ADAMTS3: variants seen among roughly 807,000 people sequenced by gnomAD.
The protein encoded by ADAMTS3 is ADAM metallopeptidase with thrombospondin type 1 motif 3.
ADAMTS3 carries 73 observed loss-of-function variants against 129.0 expected under a neutral mutation model. The ratio of observed to expected loss-of-function variants is 0.57; its 90% confidence interval spans 0.47 to 0.69. The LOEUF is 0.69. Ranked by LOEUF, ADAMTS3 falls within the 30% of genes least tolerant of loss-of-function variation. The probability of loss-of-function intolerance (pLI) is 0.00; values close to 1 mark genes in which losing one functional copy is unlikely to be tolerated. For synonymous variants in ADAMTS3, 477 were observed against 510.8 expected, an observed-to-expected ratio of 0.93 and a Z score of 0.89; for missense variants, 1,457 against 1,514.5, an observed-to-expected ratio of 0.96 and a Z score of 0.63.
intron 3 of ADAMTS3, among the ~76,000 whole-genome samples, chr4:72,452,303 CATAAT>C (rs544013636): frequency 7.4e-4 from 112 of 150,742 alleles, no homozygotes; most frequent in African/African-American, 2.2e-3. Context: ...TTATTATTAA[CATAAT>C]ATAATATAAA....
intron 2 of ADAMTS3, among the ~76,000 whole-genome samples, chr4:72,561,084 T>A (rs1310032000): frequency 6.6e-6 from 1 of 152,116 alleles, no homozygotes; most frequent in African/African-American, 2.4e-5. Flanking sequence ...CCAGGCACGG[T>A]GGCTAACACT....
intron 3 of ADAMTS3, among the ~76,000 whole-genome samples, chr4:72,520,783 C>T (rs1720647809): frequency 6.6e-6 from 1 of 152,154 alleles, no homozygotes; most frequent in African/African-American, 2.4e-5. Flanking sequence ...TCCCTGACCC[C>T]TTGTGCTTCC....
intron 4 of ADAMTS3, among the ~76,000 whole-genome samples, chr4:72,386,306 C>T (rs180881693): frequency 3.4e-4 from 52 of 152,130 alleles, no homozygotes; most frequent in East Asian, 2.7e-3. Flanking sequence ...CACATATTCA[C>T]GACATGTGTT....
intron 3 of ADAMTS3, among the ~76,000 whole-genome samples, chr4:72,547,044 A>G (rs1312718456): frequency 6.6e-6 from 1 of 152,214 alleles, no homozygotes; most frequent in Non-Finnish European, 1.5e-5. Flanking sequence ...TGAGCATCTC[A>G]GTAAGAGACT....
At chr4:72,481,607 T>A (rs184777303) in intron 3 of ADAMTS3, among the ~76,000 whole-genome samples, 43 of 152,106 alleles carry the variant, frequency 2.8e-4, no homozygotes, top group Admixed American at 9.2e-4. Flanking sequence ...GAAAAAAACA[T>A]AGGAGAAAAA....
intron 3 of ADAMTS3, among the ~76,000 whole-genome samples, chr4:72,541,406 C>T (rs1721320337): frequency 6.6e-6 from 1 of 152,222 alleles, no homozygotes; most frequent in Admixed American, 6.5e-5. Context: ...CTTGCCCTGT[C>T]TCAGATGAGA....
chr4:72,403,189 T>C (rs1337051720), intron 4 of ADAMTS3, among the ~76,000 whole-genome samples: 4 of 152,210 alleles, frequency 2.6e-5, no homozygotes, highest in African/African-American at 9.6e-5. Flanking sequence ...TCTCTCTATT[T>C]GTACTGAGTG....
chr4:72,299,201 A>G (rs987438129), intron 17 of ADAMTS3, among the ~76,000 whole-genome samples: 1 of 151,644 alleles, frequency 6.6e-6, no homozygotes, highest in Non-Finnish European at 1.5e-5. Flanking sequence ...AATGATGGTC[A>G]TTGGAGACTC....
intron 2 of ADAMTS3, among the ~76,000 whole-genome samples, chr4:72,560,288 A>G (rs58049203): frequency 0.039 from 5,966 of 152,010 alleles, 420 homozygotes; most frequent in African/African-American, 0.14. Flanking sequence ...ACATAGGCAC[A>G]GACAAAGATT....
At chr4:72,426,145 T>C (rs1314807454) in intron 3 of ADAMTS3, among the ~76,000 whole-genome samples, 1 of 152,216 alleles carries the variant, frequency 6.6e-6, no homozygotes, top group Non-Finnish European at 1.5e-5. Flanking sequence ...TTGAGAAGTG[T>C]CTGTTCATAT....
intron 3 of ADAMTS3, among the ~76,000 whole-genome samples, chr4:72,496,535 A>G (rs910020983): frequency 9.2e-5 from 14 of 152,144 alleles, no homozygotes; most frequent in African/African-American, 3.4e-4. Flanking sequence ...TGGCATAGGT[A>G]TATAAAAGTG....
intron 19 of ADAMTS3, among the ~76,000 whole-genome samples, chr4:72,292,972 T>C (rs559366539): frequency 7.9e-5 from 12 of 152,308 alleles, no homozygotes; most frequent in African/African-American, 2.9e-4. Context: ...TACTTCTGAT[T>C]ACCTCCATTC....
chr4:72,291,387 A>G (rs1334167559), intron 19 of ADAMTS3, among the ~76,000 whole-genome samples: 3 of 148,494 alleles, frequency 2.0e-5, no homozygotes, highest in African/African-American at 5.0e-5. Flanking sequence ...ATCTTCTAAT[A>G]CTATCCCTCC....
At chr4:72,311,953 C>G (rs888615223) in intron 13 of ADAMTS3, among the ~76,000 whole-genome samples, 2 of 152,056 alleles carry the variant, frequency 1.3e-5, no homozygotes, top group Admixed American at 6.6e-5. Context: ...TTCTCTAGTT[C>G]AGAAAGGAAA....
intron 1 of ADAMTS3, 73 bp downstream of exon 1, chr4:72,568,621 G>T: frequency 8.8e-7 from 1 of 1,134,548 alleles, no homozygotes; most frequent in Non-Finnish European, 1.3e-6. Context: ...AGAGAGGAGG[G>T]TAGAGAGGGG....
At chr4:72,310,536 T>C (rs1289753816) in intron 14 of ADAMTS3, among the ~76,000 whole-genome samples, 1 of 152,096 alleles carries the variant, frequency 6.6e-6, no homozygotes, top group African/African-American at 2.4e-5. Flanking sequence ...AGAAATAAAA[T>C]GCATTTTTAA....
chr4:72,397,363 G>C (rs559809511), intron 4 of ADAMTS3, among the ~76,000 whole-genome samples: 1 of 152,082 alleles, frequency 6.6e-6, no homozygotes, highest in Admixed American at 6.6e-5. Flanking sequence ...TCATGAGTTC[G>C]AGACCAGCCT....
intron 3 of ADAMTS3, among the ~76,000 whole-genome samples, chr4:72,511,022 G>A (rs1005159896): frequency 1.3e-5 from 2 of 151,960 alleles, no homozygotes; most frequent in Non-Finnish European, 2.9e-5. Context: ...AACATACAAT[G>A]GGGAAAAGAC....
intron 3 of ADAMTS3, among the ~76,000 whole-genome samples, chr4:72,485,970 C>A (rs1424455426): frequency 6.6e-6 from 1 of 152,148 alleles, no homozygotes; most frequent in Non-Finnish European, 1.5e-5. Flanking sequence ...ACTGCTGGTA[C>A]CTTGATCTTG....
Sources: gnomAD v4.1 joint callset for allele counts (sites outside exome capture counted in the v4.1 genomes callset) on GRCh38, gnomAD v4.1.1 for gene constraint, MANE v1.5 for transcripts, NCBI Gene and HGNC (gene_info 2026-07-23, HGNC 2026-07-21) for gene names.